The following PXDN variants were observed in gnomAD, a reference collection of about 807,000 sequenced individuals.
The protein encoded by PXDN is peroxidasin homolog.
Under a neutral mutation model 140.3 loss-of-function variants are expected in PXDN, and 77 were observed. That is an observed-to-expected ratio of 0.55 (90% CI 0.46 to 0.66). The LOEUF (loss-of-function observed/expected upper bound fraction) is 0.66, where lower values mean the gene tolerates loss of function less well. Ranked by LOEUF, PXDN falls within the 30% of genes least tolerant of loss-of-function variation. The pLI is 0.00. For synonymous variants in PXDN, 911 were observed against 857.4 expected (o/e 1.06, Z -1.09); for missense variants, 1,838 against 2,039.5 (o/e 0.90, Z 1.90).
chr2:1,724,528 G>A (rs1406884113), intron 1 of PXDN, among the ~76,000 whole-genome samples: 1 of 152,130 alleles, frequency 6.6e-6, no homozygotes, highest in South Asian at 2.1e-4. Flanking sequence ...CCTTGGTATG[G>A]AGGAGTCAAA....
intron 1 of PXDN, among the ~76,000 whole-genome samples, chr2:1,732,225 C>T (rs6711059): frequency 0.49 from 73,788 of 151,786 alleles, 18,106 homozygotes; most frequent in Admixed American, 0.58. Context: ...GAGAAGACAA[C>T]GCTGAGAACC....
At chr2:1,670,094 T>A (rs995156623) in intron 9 of PXDN, among the ~76,000 whole-genome samples, 1 of 152,170 alleles carries the variant, frequency 6.6e-6, no homozygotes, top group African/African-American at 2.4e-5. Context: ...CAGTCTAAAC[T>A]GGTATGTGGA....
At chr2:1,698,788 T>A (rs999652888) in intron 1 of PXDN, among the ~76,000 whole-genome samples, 1 of 152,158 alleles carries the variant, frequency 6.6e-6, no homozygotes, top group Non-Finnish European at 1.5e-5. Context: ...TTAGGGAACG[T>A]CGACGCCAAC....
rs750342758 is a variant in PXDN, at chr2:1,643,494, C to T, written c.3826G>A (p.Asp1276Asn). The T allele has an allele frequency of 3.1e-6, 5 of 1,613,968 alleles. No homozygotes were observed. The highest frequency in any genetic ancestry group is 4.2e-6 in the Non-Finnish European group (5 of 1,179,900). ...ACCCGGGTGATGTTGTCCGCGTTGT[C>T]GCATAGGATCCTGGCCAGCGACGTC... Reference protein sequence around the residue: ...KQTSLARILCDNADNITRVQS... With the variant: ...KQTSLARILCNNADNITRVQS... The change falls in exon 19 of 23, where the codon GAC (aspartate) becomes AAC (asparagine). Residue 1276 changes from aspartate to asparagine, a missense_variant. Coordinates refer to ENST00000252804, the MANE Select transcript of PXDN (RefSeq NM_012293.3).
intron 1 of PXDN, among the ~76,000 whole-genome samples, chr2:1,711,390 C>T (rs1684773027): frequency 7.8e-6 from 1 of 128,570 alleles, no homozygotes; most frequent in Non-Finnish European, 1.6e-5. Context: ...TACCAGCACC[C>T]GCTCCACAAG....
intron 2 of PXDN, chr2:1,692,509 C>T (rs1684205456): frequency 4.2e-6 from 2 of 471,692 alleles, no homozygotes; most frequent in South Asian, 3.1e-5. Context: ...GTCCCACAGT[C>T]CCCATGACCC....
Position 1,662,175 on chromosome 2 carries a change from A to G in PXDN, c.1577T>C (p.Val526Ala), listed in dbSNP as rs763362989. 6 of 1,583,936 alleles carry G rather than the reference A, an allele frequency of 3.8e-6. No individual in the cohort carries two copies. Among genetic ancestry groups the G allele is most frequent in the Non-Finnish European group, 5.2e-6 (6 of 1,164,482 alleles). ...TGTGTCGCTGGGAATGCTGGCAAACACTGGGGTGACTGGAAGGCAGATGTA... is the reference window on the plus strand; with the variant it reads ...TGTGTCGCTGGGAATGCTGGCAAACGCTGGGGTGACTGGAAGGCAGATGTA... Reference protein sequence around the residue: ...HLTVQPRVTPVFASIPSDTTV... With the variant: ...HLTVQPRVTPAFASIPSDTTV... The change falls in exon 13 of 23, where the codon GTG (valine) becomes GCG (alanine). Residue 526 changes from valine to alanine, a missense_variant. Coordinates refer to ENST00000252804, the MANE Select transcript of PXDN (RefSeq NM_012293.3).
chr2:1,648,515 G>T lies in PXDN; in HGVS notation c.3265C>A (p.Gln1089Lys). 6.2e-7 allele frequency: 1 copy of T among 1,613,062 alleles called. No homozygotes were observed. Residue 1089 changes from glutamine to lysine, a missense_variant, in exon 17 of 23, where the codon CAG becomes AAG. Physicochemically the swap from Gln to Lys is moderately conservative, Grantham distance 53 (BLOSUM62 1). Coordinates refer to ENST00000252804, the MANE Select transcript of PXDN (RefSeq NM_012293.3). The surrounding 1 kb of genome is among the most constrained non-coding windows in gnomAD (Gnocchi z 8.9). ...GGGAGGTGATCTTGTGCAATGGGCT[G>T]GAAGTTCTCGTCCAGCCGGTAAAGC... The part of the protein sequence containing the change: ...PLLYRLDENF[Q>K]PIAQDHLPLH...
intron 1 of PXDN, among the ~76,000 whole-genome samples, chr2:1,717,372 C>T (rs1476170117): frequency 1.3e-5 from 2 of 152,168 alleles, no homozygotes; most frequent in Admixed American, 6.5e-5. Flanking sequence ...AAATGCCTCT[C>T]GCCCGGGGCT....
intron 7 of PXDN, 113 bp from the exon 8 acceptor site, chr2:1,677,157 T>C: frequency 2.1e-6 from 2 of 954,870 alleles, no homozygotes; most frequent in Non-Finnish European, 3.1e-6. Flanking sequence ...TGCCCAAAGG[T>C]GTAATTCAGC....
Position 1,661,562 on chromosome 2 carries a change from C to CT in PXDN, c.1680+509dup, listed in dbSNP as rs1194693691. Among the ~76,000 whole-genome samples the CT allele has an allele frequency of 2.0e-5, 3 of 152,224 alleles. No individual in the cohort carries two copies. In the East Asian group the frequency reaches 5.8e-4, roughly 30 times the overall value. On this transcript the variant is annotated intron_variant, in intron 13 of 22. Coordinates refer to ENST00000252804, the MANE Select transcript of PXDN (RefSeq NM_012293.3). ...GGATGCAGGTGGAGGATGGGACCATCTCCGCTGAGCACTCTCCTTCCATGG... is the reference window on the plus strand; with the variant it reads ...GGATGCAGGTGGAGGATGGGACCATCTTCCGCTGAGCACTCTCCTTCCATGG...
chr2:1,728,881 G>A (rs1685249542), intron 1 of PXDN, among the ~76,000 whole-genome samples: 1 of 152,174 alleles, frequency 6.6e-6, no homozygotes, highest in Admixed American at 6.5e-5. Flanking sequence ...ATAGCCCTGC[G>A]AGTCCTCTAG....
intron 1 of PXDN, among the ~76,000 whole-genome samples, chr2:1,711,061 C>T (rs1684760493): frequency 1.3e-5 from 1 of 77,606 alleles, no homozygotes; most frequent in African/African-American, 4.9e-5. Flanking sequence ...AGCACCCGCT[C>T]CACAAGCACC....
At chr2:1,635,752 G>A (rs1256412766) in intron 21 of PXDN, 6 of 524,760 alleles carry the variant, frequency 1.1e-5, no homozygotes, top group African/African-American at 1.9e-5. Context: ...AATAAAAACC[G>A]TAGTCACAAA....
intron 1 of PXDN, among the ~76,000 whole-genome samples, chr2:1,710,746 A>ACT (rs779177448): frequency 1.8e-3 from 81 of 44,706 alleles, no homozygotes; most frequent in African/African-American, 7.1e-3. Flanking sequence ...ACCAGCACCC[A>ACT]CTCCACCAGC....
At chr2:1,679,663 G>A (rs1683827180) in intron 7 of PXDN, among the ~76,000 whole-genome samples, 1 of 142,650 alleles carries the variant, frequency 7.0e-6, no homozygotes, top group South Asian at 2.3e-4. Flanking sequence ...GTGTGTAAAT[G>A]GTGTGTGTGG....
At position 1,632,694 on chromosome 2, in the gene PXDN, T is replaced by G. The variant is rs1682441480; in HGVS notation, c.*1510A>C. On this transcript the variant is annotated 3_prime_UTR_variant, in exon 23 of 23. Coordinates refer to ENST00000252804, the MANE Select transcript of PXDN (RefSeq NM_012293.3). This position sits in a 1 kb window ranked among gnomAD's most constrained non-coding sequence, Gnocchi z 4.3. ...GTTGTGCACAAATCACACCAGGCAC[T>G]GTATGCGCCCATCCTGTCAGAAGGA... 1 of 152,272 alleles carries G rather than the reference T, an allele frequency of 6.6e-6. No homozygotes were observed. Among genetic ancestry groups the G allele is most frequent in the Admixed American group, 6.5e-5 (1 of 15,280 alleles). 9.4% of individuals were successfully genotyped at this position (152,272 alleles called of 1,614,324 possible).
chr2:1,647,169 T>C lies in PXDN; in HGVS notation c.3608+1003A>G, dbSNP rs754428255. Among the ~76,000 whole-genome samples the C allele has an allele frequency of 1.1e-4, 16 of 152,204 alleles. No homozygotes were observed. The South Asian group carries it at 2.7e-3, about 26-fold the overall frequency. On this transcript the variant is annotated intron_variant, in intron 17 of 22. Transcript: ENST00000252804. ...TCAGCCTCCCAAAGTGCTGGGATTA[T>C]AGGCATGAGCCACCGGGCCTGGCTG...
chr2:1,637,218 G>A (rs1682582587), intron 21 of PXDN, among the ~76,000 whole-genome samples: 1 of 152,148 alleles, frequency 6.6e-6, no homozygotes, highest in Non-Finnish European at 1.5e-5. Flanking sequence ...CCCCTCCCCA[G>A]TGGACCCCCC....
Sources: allele counts gnomAD v4.1 joint callset (sites outside exome capture counted in the v4.1 genomes callset), GRCh38; gene constraint gnomAD v4.1.1; non-coding constraint Gnocchi (gnomAD v3.1); transcripts MANE v1.5; gene names NCBI Gene and HGNC (gene_info 2026-07-23, HGNC 2026-07-21).